Variants in DPP6 observed in about 807,000 individuals in gnomAD.
The protein encoded by DPP6 is dipeptidyl peptidase like 6.
Under a neutral mutation model 122.6 loss-of-function variants are expected in DPP6, and 69 were observed. The observed-to-expected ratio is 0.56, with a 90% CI of 0.46 to 0.69. The LOEUF (loss-of-function observed/expected upper bound fraction) is 0.69, where lower values mean the gene tolerates loss of function less well. Ranked by LOEUF, DPP6 falls within the 30% of genes least tolerant of loss-of-function variation. The pLI is 0.00. For synonymous variants in DPP6, 418 were observed against 433.1 expected (o/e 0.97, Z 0.43); for missense variants, 928 against 1,116.9 (o/e 0.83, Z 2.41).
intron 8 of DPP6, among the ~76,000 whole-genome samples, chr7:154,733,954 G>T (rs947301515): frequency 6.6e-6 from 1 of 152,202 alleles, no homozygotes; most frequent in Non-Finnish European, 1.5e-5. Context: ...CTTGTGTCAC[G>T]CTGATACCCA....
intron 1 of DPP6, among the ~76,000 whole-genome samples, chr7:154,222,194 G>A (rs1800343673): frequency 6.6e-6 from 1 of 151,948 alleles, no homozygotes; most frequent in Non-Finnish European, 1.5e-5. Context: ...TGTTACCTTT[G>A]ACCCCTATCC....
chr7:154,207,742 A>G (rs1459946183), intron 1 of DPP6, among the ~76,000 whole-genome samples: 1 of 152,254 alleles, frequency 6.6e-6, no homozygotes, highest in Non-Finnish European at 1.5e-5. Context: ...TTATAAATGA[A>G]GAAGCAGAAC....
In DPP6 at chr7:154,304,919, A is replaced by G. The variant is rs1181762492; in HGVS notation, c.244-141295A>G. Among the ~76,000 whole-genome samples the G allele has an allele frequency of 8.5e-5, 13 of 152,156 alleles. No individual in the cohort carries two copies. In the East Asian group the frequency reaches 2.5e-3, roughly 29 times the overall value. ...CGCCCTGCGTGGGGGCCGCAGGTTC[A>G]GACACCCGGGCGCGGCGCGGGGCCC... On this transcript the variant is annotated intron_variant, in intron 1 of 25. Transcript: ENST00000377770.
intron 5 of DPP6, among the ~76,000 whole-genome samples, chr7:154,581,591 A>T (rs893189223): frequency 6.6e-6 from 1 of 152,194 alleles, no homozygotes; most frequent in Non-Finnish European, 1.5e-5. Context: ...GACCTGGGGG[A>T]TGAGAGCTTA....
chr7:154,262,397 A>G (rs922338298), intron 1 of DPP6, among the ~76,000 whole-genome samples: 3 of 152,168 alleles, frequency 2.0e-5, no homozygotes, highest in Non-Finnish European at 2.9e-5. Flanking sequence ...AGAAGAGAAC[A>G]TTTGGACCCA....
intron 1 of DPP6, among the ~76,000 whole-genome samples, chr7:154,041,569 A>C (rs1241866195): frequency 6.6e-6 from 1 of 152,188 alleles, no homozygotes; most frequent in East Asian, 1.9e-4. Flanking sequence ...TGGAAGAACC[A>C]GGTGTGCAGT....
At chr7:154,869,654 A>C (rs1584940600) in intron 18 of DPP6, among the ~76,000 whole-genome samples, 2 of 151,998 alleles carry the variant, frequency 1.3e-5, no homozygotes. Flanking sequence ...CTGCACAGGG[A>C]CCCTCACTCG....
At chr7:154,436,472 C>A (rs1020220292) in intron 1 of DPP6, among the ~76,000 whole-genome samples, 2 of 152,100 alleles carry the variant, frequency 1.3e-5, no homozygotes, top group Non-Finnish European at 2.9e-5. Flanking sequence ...TGCCCCACCT[C>A]ACAGTGTCAC....
chr7:153,899,591 A>G (rs1660984494), intron 1 of DPP6, among the ~76,000 whole-genome samples: 2 of 152,242 alleles, frequency 1.3e-5, no homozygotes, highest in Admixed American at 6.5e-5. Flanking sequence ...GACTTTGAAT[A>G]TCATTAAAGT....
chr7:154,757,973 C>A (rs1009772669), intron 8 of DPP6, among the ~76,000 whole-genome samples: 1 of 152,032 alleles, frequency 6.6e-6, no homozygotes, highest in Non-Finnish European at 1.5e-5. Context: ...GCTCTCCCCC[C>A]CGCCCTCTCC....
At chr7:154,763,052 C>T (rs1002260252) in intron 8 of DPP6, among the ~76,000 whole-genome samples, 13 of 152,254 alleles carry the variant, frequency 8.5e-5, no homozygotes, top group Non-Finnish European at 4.4e-5. Context: ...CTGCTGCCAG[C>T]TGGGTGCGGT....
At chr7:154,552,079 C>T (rs932647575) in intron 4 of DPP6, among the ~76,000 whole-genome samples, 2 of 152,154 alleles carry the variant, frequency 1.3e-5, no homozygotes, top group Admixed American at 1.3e-4. Context: ...CTGCTTATGA[C>T]CATGCCAAGT....
At chr7:154,111,813 T>C (rs866074383) in intron 1 of DPP6, among the ~76,000 whole-genome samples, 8 of 152,334 alleles carry the variant, frequency 5.3e-5, no homozygotes, top group African/African-American at 1.7e-4. Context: ...AACTCTTAGA[T>C]TGGAATTGTG....
rs1554498746 is a variant in DPP6 at position 154,241,183 on chromosome 7, A to ATGTGTG, written c.243+188121_243+188122insGTGTGT. Among the ~76,000 whole-genome samples the ATGTGTG allele has an allele frequency of 2.0e-4, 7 of 35,530 alleles. No homozygotes were observed. The highest frequency in any genetic ancestry group is 1.1e-3 in the South Asian group (1 of 882). 23.3% of individuals were successfully genotyped at this position (35,530 alleles called of 152,430 possible). ...CTGCACAGTAGGTAATTCAATATCA[A>ATGTGTG]TATGTGTGTGTGTGTGTGTGTGTGT... On this transcript the variant is annotated intron_variant, in intron 1 of 25. Transcript: ENST00000377770. This position sits in a 1 kb window ranked among gnomAD's most constrained non-coding sequence, Gnocchi z 9.0.
intron 1 of DPP6, among the ~76,000 whole-genome samples, chr7:153,933,630 C>G (rs1045786240): frequency 6.6e-6 from 1 of 152,132 alleles, no homozygotes; most frequent in African/African-American, 2.4e-5. Flanking sequence ...TCTCTACCAC[C>G]CCATCCTTTA....
the DPP6 span, among the ~76,000 whole-genome samples, chr7:153,865,385 CCTT>C: frequency 5.9e-5 from 9 of 152,176 alleles, no homozygotes. Flanking sequence ...TAATTGATAA[CCTT>C]CTTGGCAGGA....
intron 19 of DPP6, among the ~76,000 whole-genome samples, chr7:154,874,160 T>G (rs1238370065): frequency 6.6e-6 from 1 of 152,148 alleles, no homozygotes; most frequent in Non-Finnish European, 1.5e-5. Context: ...CACACACGTT[T>G]CCTGCCTCCT....
intron 1 of DPP6, among the ~76,000 whole-genome samples, chr7:154,326,002 G>A (rs1808416974): frequency 6.6e-6 from 1 of 152,086 alleles, no homozygotes; most frequent in South Asian, 2.1e-4. Context: ...TATTTTTCAT[G>A]CATAAAGCCT....
chr7:153,807,142 G>A, the DPP6 span, among the ~76,000 whole-genome samples: 1 of 151,910 alleles, frequency 6.6e-6, no homozygotes, highest in African/African-American at 2.4e-5. Flanking sequence ...GCTGGGTGCA[G>A]TGGCTCACAC....
Sources: allele counts gnomAD v4.1 joint callset (sites outside exome capture counted in the v4.1 genomes callset), GRCh38; gene constraint gnomAD v4.1.1; non-coding constraint Gnocchi (gnomAD v3.1); transcripts MANE v1.5; gene names NCBI Gene and HGNC (gene_info 2026-07-23, HGNC 2026-07-21).